The following CACNA1A variants were observed in gnomAD, a reference collection of about 807,000 sequenced individuals.
The protein encoded by CACNA1A is voltage-dependent P/Q-type calcium channel subunit alpha-1A.
CACNA1A carries 57 observed loss-of-function variants against 262.4 expected under a neutral mutation model. The observed-to-expected ratio is 0.22, with a 90% CI of 0.18 to 0.27. The LOEUF is 0.27. CACNA1A is among the 10% of genes least tolerant of loss of function. CACNA1A has a pLI of 1.00. For synonymous variants in CACNA1A, 1,431 were observed against 1,419.3 expected (o/e 1.01, Z -0.18); for missense variants, 2,526 against 3,562.8 (o/e 0.71, Z 7.41).
At chr19:13,380,736 T>TGTTG (rs1568590487) in intron 3 of CACNA1A, among the ~76,000 whole-genome samples, 5 of 82,006 alleles carry the variant, frequency 6.1e-5, no homozygotes, top group Non-Finnish European at 8.9e-5. Flanking sequence ...TTTATTGGTT[T>TGTTG]GTTTGTTTGT....
intron 30 of CACNA1A, among the ~76,000 whole-genome samples, chr19:13,246,824 C>T (rs2144698775): frequency 6.6e-6 from 1 of 152,058 alleles, no homozygotes; most frequent in South Asian, 2.1e-4. Flanking sequence ...GACGGGGTTT[C>T]ACCATGTTAG....
At chr19:13,422,345 A>C (rs535948514) in intron 3 of CACNA1A, among the ~76,000 whole-genome samples, 1 of 152,240 alleles carries the variant, frequency 6.6e-6, no homozygotes, top group East Asian at 1.9e-4. Flanking sequence ...CAATGTAGCT[A>C]GAGTGGAGAG....
chr19:13,404,528 G>GAAGTGGC (rs2059968674), intron 3 of CACNA1A, among the ~76,000 whole-genome samples: 1 of 152,216 alleles, frequency 6.6e-6, no homozygotes, highest in Admixed American at 6.5e-5. Flanking sequence ...GAGAAAGCTG[G>GAAGTGGC]AAGTGGCAAG....
At chr19:13,225,838 T>G (rs1283320428) in intron 37 of CACNA1A, 2 of 152,080 alleles carry the variant, frequency 1.3e-5, no homozygotes, top group Admixed American at 6.5e-5. Flanking sequence ...ATGATAGATT[T>G]ATGTACTTAT....
intron 3 of CACNA1A, among the ~76,000 whole-genome samples, chr19:13,418,860 A>G (rs2060270427): frequency 6.6e-6 from 1 of 151,856 alleles, no homozygotes; most frequent in South Asian, 2.1e-4. Flanking sequence ...TTATAACTGT[A>G]TTTTTACTGT....
At chr19:13,270,309 ACTTGTGGGG>A (rs1372452478) in intron 24 of CACNA1A, among the ~76,000 whole-genome samples, 2 of 150,988 alleles carry the variant, frequency 1.3e-5, no homozygotes, top group African/African-American at 2.4e-5. Context: ...TCAATCTAAT[ACTTGTGGGG>A]CTCTCAGCCT....
intron 4 of CACNA1A, 173 bp downstream of exon 4, chr19:13,371,515 G>A (rs961078344): frequency 5.1e-6 from 3 of 591,436 alleles, no homozygotes; most frequent in South Asian, 4.6e-5. Flanking sequence ...AGGAGCTCAT[G>A]GGGAGCTACA....
At chr19:13,243,247 G>A (rs1187713468) in intron 31 of CACNA1A, among the ~76,000 whole-genome samples, 1 of 152,236 alleles carries the variant, frequency 6.6e-6, no homozygotes, top group African/African-American at 2.4e-5. Flanking sequence ...CCCTCTAGAG[G>A]AAGGTTTCAG....
In CACNA1A at chr19:13,310,795, C is replaced by T. The variant is rs996126319; in HGVS notation, c.1668+1874G>A. On this transcript the variant is annotated intron_variant, in intron 12 of 46. Transcript: ENST00000360228. ...TTGCTCAGGACATTTTAAAATTTTTCTTTTTTTTTTTTTGAGACGGAGTCT... is the reference window on the plus strand; with the variant it reads ...TTGCTCAGGACATTTTAAAATTTTTTTTTTTTTTTTTTTGAGACGGAGTCT... 9.1e-5 allele frequency among the ~76,000 whole-genome samples: 13 copies of T among 142,696 alleles called. No individual in the cohort carries two copies. The South Asian group carries it at 2.4e-3, about 27-fold the overall frequency. 93.6% of individuals were successfully genotyped at this position (142,696 alleles called of 152,430 possible).
chr19:13,361,182 G>A lies in CACNA1A; in HGVS notation c.785-1383C>T, dbSNP rs2059104787. Among the ~76,000 whole-genome samples, 3 of 152,246 alleles carry A rather than the reference G, an allele frequency of 2.0e-5. No individual in the cohort carries two copies. In the South Asian group the frequency reaches 6.2e-4, roughly 32 times the overall value. The stretch of plus-strand genomic sequence containing the variant: ...ACCAGTACACACAGTTCCTACCCTT[G>A]CCTAAGGGTAAGGAACAGGAGCTGA... On this transcript the variant is annotated intron_variant, in intron 5 of 46. Coordinates refer to ENST00000360228, the MANE Select transcript of CACNA1A (RefSeq NM_001127222.2).
chr19:13,334,201 G>T (rs904640631), intron 8 of CACNA1A, 177 bp downstream of exon 8: 1 of 566,438 alleles, frequency 1.8e-6, no homozygotes, highest in Non-Finnish European at 3.2e-6. Flanking sequence ...CTTCATCTTA[G>T]ACTTCTTCAT....
At chr19:13,340,163 A>AT (rs34059280) in intron 6 of CACNA1A, among the ~76,000 whole-genome samples, 1 of 151,782 alleles carries the variant, frequency 6.6e-6, no homozygotes, top group Admixed American at 6.6e-5. Context: ...ACAGGACTGA[A>AT]AGGGAAAAAC....
chr19:13,357,071 C>T (rs914971389), intron 6 of CACNA1A, among the ~76,000 whole-genome samples: 17 of 152,208 alleles, frequency 1.1e-4, no homozygotes, highest in Admixed American at 2.0e-4. Flanking sequence ...CAGTGCGTGA[C>T]AGGCGCAACT....
intron 3 of CACNA1A, among the ~76,000 whole-genome samples, chr19:13,389,830 T>A (rs1180724454): frequency 2.0e-5 from 3 of 152,092 alleles, no homozygotes; most frequent in Non-Finnish European, 4.4e-5. Flanking sequence ...TTATTTATTT[T>A]GAGACAGAGT....
intron 20 of CACNA1A, among the ~76,000 whole-genome samples, chr19:13,286,291 C>A (rs1291286674): frequency 2.0e-5 from 3 of 152,156 alleles, no homozygotes; most frequent in South Asian, 4.1e-4. Flanking sequence ...GCTAACCCGA[C>A]TGAACACAAC....
In CACNA1A at chr19:13,208,974, C is replaced by G. The variant is rs965819293; in HGVS notation, c.6562G>C (p.Gly2188Arg). The G allele has an allele frequency of 6.5e-7, 1 of 1,537,430 alleles. No homozygotes were observed. ...TCCCGCTCCTTCGACGGCAGGTCCC[C>G]GGATTGGGTGGTCATGCTCAGGTCT... ...GTDLSMTTQSGDLPSKERDQE... is the reference protein window; with the variant it reads ...GTDLSMTTQSRDLPSKERDQE... The change falls in exon 46 of 47, where the codon GGG becomes CGG. Residue 2188 changes from glycine to arginine, a missense_variant. Coordinates refer to ENST00000360228, the MANE Select transcript of CACNA1A (RefSeq NM_001127222.2).
chr19:13,214,449 C>T lies in CACNA1A; in HGVS notation c.5839+52G>A. 1 of 1,556,588 alleles carries T rather than the reference C, an allele frequency of 6.4e-7. No homozygotes were observed. ...TCTCCCCAGGCCTCCCCTTTCCCTC[C>T]CCCTCCATCTGTCCTGGTGGATTGG... On this transcript the variant is annotated intron_variant, in intron 39 of 46. Coordinates refer to ENST00000360228, the MANE Select transcript of CACNA1A (RefSeq NM_001127222.2). This position sits in a 1 kb window ranked among gnomAD's most constrained non-coding sequence, Gnocchi z 4.1.
intron 3 of CACNA1A, among the ~76,000 whole-genome samples, chr19:13,410,307 G>C (rs768908427): frequency 3.3e-5 from 5 of 151,464 alleles, no homozygotes; most frequent in Non-Finnish European, 7.4e-5. Flanking sequence ...GCTCACTGCA[G>C]CCTCGACCTC....
chr19:13,240,337 CTG>C (rs903928044), intron 31 of CACNA1A, among the ~76,000 whole-genome samples: 1 of 149,822 alleles, frequency 6.7e-6, no homozygotes, highest in African/African-American at 2.5e-5. Flanking sequence ...TGAATGCAGA[CTG>C]TGTGTGCATG....
Sources: gnomAD v4.1 joint callset for allele counts (sites outside exome capture counted in the v4.1 genomes callset) on GRCh38, gnomAD v4.1.1 for gene constraint, Gnocchi (gnomAD v3.1) non-coding constraint, MANE v1.5 for transcripts, NCBI Gene and HGNC (gene_info 2026-07-23, HGNC 2026-07-21) for gene names.